Variants in ZAN observed in about 807,000 individuals in gnomAD.
ZAN encodes the protein zonadhesin.
In ZAN, 260 loss-of-function variants were observed where a neutral mutation model predicts 286.2. The ratio of observed to expected loss-of-function variants is 0.91; its 90% CI spans 0.82 to 1.01. The LOEUF (loss-of-function observed/expected upper bound fraction) is 1.01, where lower values mean the gene tolerates loss of function less well. ZAN is among the 50% of genes least tolerant of loss of function. The probability of loss-of-function intolerance (pLI) is 0.00; values close to 1 mark genes in which losing one functional copy is unlikely to be tolerated. For missense variants in ZAN, 3,410 were observed against 3,639.2 expected (o/e 0.94, Z 1.62); for synonymous variants, 1,368 against 1,417.5 (o/e 0.97, Z 0.79).
rs546510309 is a variant in ZAN at position 100,736,876 on chromosome 7, C to T, written c.321C>T (p.Pro107=). The change falls in exon 5 of 48, where the codon CCC becomes CCT. Residue 107 remains proline (P), a synonymous_variant. Coordinates refer to ENST00000613979, the MANE Select transcript of ZAN (RefSeq NM_003386.3). ...GGGGAGTGGCCCGCCTGCTCAGCCC[C>T]GACCTATGGGAGCAAGGCCCCCTCT... ...HRGGVARLLS[P]DLWEQGPLCV... is the part of the protein sequence containing the mutation. 22 of 1,486,440 alleles carry T rather than the reference C, an allele frequency of 1.5e-5. 5 individuals carry two copies. The highest frequency in any genetic ancestry group is 1.9e-5 in the Non-Finnish European group (21 of 1,089,046). The allele number at this position is 1,486,440 out of a possible 1,614,324, so 92.1% of individuals were successfully genotyped here.
At chr7:100,796,477 C>T (rs1016536108) in intron 45 of ZAN, among the ~76,000 whole-genome samples, 3 of 139,944 alleles carry the variant, frequency 2.1e-5, no homozygotes, top group East Asian at 2.2e-4. Context: ...AGTGCAGTGG[C>T]GTGATCTCGG....
rs995804063 is a variant in ZAN, at chr7:100,773,702, T to C, written c.5635-19T>C. 9 of 1,603,338 alleles carry C rather than the reference T, an allele frequency of 5.6e-6. No individual in the cohort carries two copies. In the African/African-American group the frequency reaches 1.1e-4, roughly 19 times the overall value. On this transcript the variant is annotated intron_variant, in intron 30 of 47. Coordinates refer to ENST00000613979, the MANE Select transcript of ZAN (RefSeq NM_003386.3). ...AATTCCAACTTTCTGTTGGCTCAGCTGATCCCTGTGGCCCACAGGTCGGGG... is the reference window on the plus strand; with the variant it reads ...AATTCCAACTTTCTGTTGGCTCAGCCGATCCCTGTGGCCCACAGGTCGGGG...
chr7:100,733,774 G>A, intron 1 of ZAN, 126 bp downstream of exon 1: 1 of 160,156 alleles, frequency 6.2e-6, no homozygotes, highest in Non-Finnish European at 1.3e-5. Flanking sequence ...TTAATCTAGA[G>A]ACTTGTATAT....
chr7:100,772,993 AC>A (rs1810489282), intron 29 of ZAN, among the ~76,000 whole-genome samples: 1 of 149,378 alleles, frequency 6.7e-6, no homozygotes, highest in Admixed American at 6.7e-5. Context: ...TGTCTCAGCC[AC>A]CCAAGTAGCT....
chr7:100,748,211 TG>T lies in ZAN; in HGVS notation c.1102+1del. 1 of 1,613,636 alleles carries T rather than the reference TG, an allele frequency of 6.2e-7. No homozygotes were observed. Among genetic ancestry groups the T allele is most frequent in the Non-Finnish European group, 8.5e-7 (1 of 1,179,810 alleles). ...TTGATGCAACCAGCATTGCTCCTTG[TG>T]GGGGTGAGAGCAGGCCCTGAGAGGC... ...AVDATSIAPC[G>X]EGFPQCDFED... On this transcript the variant is annotated frameshift_variant, in exon 10 of 48. Transcript: ENST00000613979. LOFTEE classifies it high-confidence loss of function.
chr7:100,737,447 C>T, intron 6 of ZAN, 98 bp downstream of exon 6: 1 of 884,730 alleles, frequency 1.1e-6, no homozygotes, highest in Non-Finnish European at 1.7e-6. Context: ...TGGCTCATGC[C>T]TGTAATCCCA....
At chr7:100,785,310 A>C (rs999153804) in intron 36 of ZAN, among the ~76,000 whole-genome samples, 3 of 147,958 alleles carry the variant, frequency 2.0e-5, no homozygotes, top group Non-Finnish European at 4.4e-5. Flanking sequence ...TGCGCACTGC[A>C]ATCTCTGCCT....
chr7:100,750,691 G>C lies in ZAN; in HGVS notation c.1316G>C (p.Ser439Thr), dbSNP rs762093195. The C allele has an allele frequency of 6.2e-7, 1 of 1,613,342 alleles. No homozygotes were observed. The highest frequency in any genetic ancestry group is 8.5e-7 in the Non-Finnish European group (1 of 1,179,662). The change falls in exon 12 of 48, where the codon AGC becomes ACC. Residue 439 changes from serine (S) to threonine (T), a missense_variant. Physicochemically the swap from Ser to Thr is moderately conservative, Grantham distance 58. Coordinates refer to ENST00000613979, the MANE Select transcript of ZAN (RefSeq NM_003386.3). ...SQAGQSVRLV[S>T]RPFCAPGDIC... ...GCAGGCCAGTCAGTCAGACTGGTGA[G>C]CCGGCCCTTCTGCGCCCCAGGTGAC...
Position 100,746,614 on chromosome 7 carries a change from G to A in ZAN, c.843G>A (p.Leu281=). 1 of 1,613,994 alleles carries A rather than the reference G, an allele frequency of 6.2e-7. No individual in the cohort carries two copies. Among genetic ancestry groups the A allele is most frequent in the Non-Finnish European group, 8.5e-7 (1 of 1,179,898 alleles). The change falls in exon 8 of 48, where the codon CTG becomes CTA. Residue 281 remains leucine, a synonymous_variant. Transcript: ENST00000613979. ...QKAVLLSPVS[L]SSGCLSFSFH... ...CTGTCCTCCTGAGCCCCGTGAGCCT[G>A]TCCTCTGGCTGTCTGAGCTTTTCCT...
At chr7:100,775,020 C>G (rs1810655176) in intron 31 of ZAN, among the ~76,000 whole-genome samples, 1 of 152,110 alleles carries the variant, frequency 6.6e-6, no homozygotes, top group African/African-American at 2.4e-5. Context: ...CTCCATCTCC[C>G]TGGTTCAAGC....
chr7:100,747,100 G>C (rs1324079413), intron 8 of ZAN, among the ~76,000 whole-genome samples: 2 of 151,092 alleles, frequency 1.3e-5, no homozygotes, highest in Admixed American at 1.3e-4. Flanking sequence ...AAAGAAAGTT[G>C]TGCTGGCCTG....
At position 100,746,581 on chromosome 7, in the gene ZAN, G is replaced by A. The variant is rs1046823186; in HGVS notation, c.810G>A (p.Gly270=). Residue 270 remains glycine, a synonymous_variant, in exon 8 of 48, where the codon GGG becomes GGA. Transcript: ENST00000613979. The part of the protein sequence containing the change: ...MLLDPKNARP[G]QKAVLLSPVS... Reference sequence around the variant, plus strand: ...TGGACCCCAAGAATGCAAGACCTGGGCAGAAAGCTGTCCTCCTGAGCCCCG... The same window carrying A: ...TGGACCCCAAGAATGCAAGACCTGGACAGAAAGCTGTCCTCCTGAGCCCCG... 2.5e-6 allele frequency: 4 copies of A among 1,613,992 alleles called. No individual in the cohort carries two copies. Among genetic ancestry groups the A allele is most frequent in the Middle Eastern group, 3.3e-4 (2 of 6,062 alleles).
rs912642386 is a variant in ZAN at position 100,773,209 on chromosome 7, T to TAGG, written c.5426-73_5426-71dup. 2.0e-6 allele frequency: 3 copies of TAGG among 1,528,326 alleles called. No individual in the cohort carries two copies. In the African/African-American group the frequency reaches 4.1e-5, roughly 21 times the overall value. 94.7% of individuals were successfully genotyped at this position (1,528,326 alleles called of 1,614,324 possible). ...GCGAGCTACCGCTCCTGGCCACTAC[T>TAGG]AGGAGCTTTTGATGCCCCAAGGTTT... On this transcript the variant is annotated intron_variant, in intron 29 of 47. Coordinates refer to ENST00000613979, the MANE Select transcript of ZAN (RefSeq NM_003386.3).
At chr7:100,769,756 A>C in intron 27 of ZAN, 124 bp from the exon 28 acceptor site, 2 of 785,550 alleles carry the variant, frequency 2.5e-6, no homozygotes, top group East Asian at 5.6e-5. Flanking sequence ...TATGTTGCCC[A>C]GGCTGGTCTT....
In ZAN at chr7:100,762,400, G is replaced by A. The variant is rs200408000; in HGVS notation, c.3986+42G>A. ...CCCACCGGGGCCCTGGGAAGGTTCCGTCCCCTTCCTGGAACTCTCTTTTTT... is the reference window on the plus strand; with the variant it reads ...CCCACCGGGGCCCTGGGAAGGTTCCATCCCCTTCCTGGAACTCTCTTTTTT... On this transcript the variant is annotated intron_variant, in intron 20 of 47. Coordinates refer to ENST00000613979, the MANE Select transcript of ZAN (RefSeq NM_003386.3). The A allele has an allele frequency of 3.5e-4, 533 of 1,502,884 alleles. 4 individuals carry two copies. The highest frequency in any genetic ancestry group is 2.8e-3 in the South Asian group (223 of 78,500). 93.1% of individuals were successfully genotyped at this position (1,502,884 alleles called of 1,614,324 possible).
chr7:100,785,303 G>T (rs112408570), intron 36 of ZAN, among the ~76,000 whole-genome samples: 9,347 of 142,492 alleles, frequency 0.066, 912 homozygotes, highest in African/African-American at 0.22. Context: ...TAATCTCTGC[G>T]CACTGCAATC....
chr7:100,745,086 G>A (rs887976497), intron 7 of ZAN, among the ~76,000 whole-genome samples: 1 of 151,670 alleles, frequency 6.6e-6, no homozygotes, highest in Non-Finnish European at 1.5e-5. Context: ...ATTTCGCCAT[G>A]TTGGCCAAGC....
At position 100,758,511 on chromosome 7, in the gene ZAN, G is replaced by A; in HGVS notation, c.3452-20G>A. The A allele has an allele frequency of 6.4e-7, 1 of 1,554,964 alleles. No individual in the cohort carries two copies. Among genetic ancestry groups the A allele is most frequent in the Non-Finnish European group, 8.7e-7 (1 of 1,149,178 alleles). On this transcript the variant is annotated intron_variant, in intron 16 of 47. Transcript: ENST00000613979. ...AGGAGCCACAGAAGCAGCTTCGCCTGTTCTCCTTCCCCCTCCCAGCAGGCA... is the reference window on the plus strand; with the variant it reads ...AGGAGCCACAGAAGCAGCTTCGCCTATTCTCCTTCCCCCTCCCAGCAGGCA...
At position 100,748,133 on chromosome 7, in the gene ZAN, C is replaced by T; in HGVS notation, c.1024-4C>T. The T allele has an allele frequency of 6.2e-7, 1 of 1,613,658 alleles. No individual in the cohort carries two copies. Reference sequence around the variant, plus strand: ...ACTCCTGCTCCATCTCCCTTTCTCTCCAGTTTGCCGTGGTAGGCGTTTTTG... The same window carrying T: ...ACTCCTGCTCCATCTCCCTTTCTCTTCAGTTTGCCGTGGTAGGCGTTTTTG... On this transcript the variant is annotated splice_polypyrimidine_tract_variant and splice_region_variant and intron_variant, in intron 9 of 47. Transcript: ENST00000613979.
Sources: gnomAD v4.1 joint callset for allele counts (sites outside exome capture counted in the v4.1 genomes callset) on GRCh38, gnomAD v4.1.1 for gene constraint, MANE v1.5 for transcripts, NCBI Gene and HGNC (gene_info 2026-07-23, HGNC 2026-07-21) for gene names.